MACROD1: variants seen among roughly 807,000 people sequenced by gnomAD.
MACROD1 encodes ADP-ribose glycohydrolase MACROD1.
Under a neutral mutation model 41.4 loss-of-function variants are expected in MACROD1, and 31 were observed. The ratio of observed to expected loss-of-function variants is 0.75; its 90% CI spans 0.56 to 1.01. The LOEUF (loss-of-function observed/expected upper bound fraction) is 1.01. MACROD1 is among the 50% of genes least tolerant of loss of function. The pLI is 0.00. For missense variants in MACROD1, 473 were observed against 460.0 expected (o/e 1.03, Z -0.26); for synonymous variants, 252 against 203.4 (o/e 1.24, Z -2.03).
intron 3 of MACROD1, among the ~76,000 whole-genome samples, chr11:64,143,794 ACACACAC>A (rs989780729): frequency 2.7e-5 from 4 of 145,588 alleles, no homozygotes; most frequent in East Asian, 2.0e-4. Context: ...ACACACACAC[ACACACAC>A]AATTTCCTGG....
At chr11:64,010,757 A>G (rs1276832964) in intron 4 of MACROD1, among the ~76,000 whole-genome samples, 3 of 115,936 alleles carry the variant, frequency 2.6e-5, no homozygotes, top group African/African-American at 3.5e-5. Flanking sequence ...GTTGGCTGGC[A>G]TATTGGTTGG....
chr11:64,019,695 C>T (rs1388246117), intron 3 of MACROD1, among the ~76,000 whole-genome samples: 2 of 152,284 alleles, frequency 1.3e-5, no homozygotes, highest in Non-Finnish European at 2.9e-5. Flanking sequence ...AGTATGGAGT[C>T]CCTGGGCCTT....
intron 3 of MACROD1, among the ~76,000 whole-genome samples, chr11:64,045,271 C>T (rs59863478): frequency 0.02 from 3,092 of 152,294 alleles, 90 homozygotes; most frequent in African/African-American, 0.068. Flanking sequence ...GGCGGCCTGC[C>T]GTCACAGAGC....
chr11:64,031,850 T>C (rs1437846724), intron 3 of MACROD1, among the ~76,000 whole-genome samples: 1 of 152,118 alleles, frequency 6.6e-6, no homozygotes, highest in Non-Finnish European at 1.5e-5. Context: ...TATCCAGAGG[T>C]TACATATCCA....
intron 3 of MACROD1, among the ~76,000 whole-genome samples, chr11:64,053,214 G>A (rs1943726294): frequency 6.6e-6 from 1 of 152,164 alleles, no homozygotes; most frequent in African/African-American, 2.4e-5. Flanking sequence ...AGCAGGGTGG[G>A]GTGAGGCTCC....
At chr11:64,081,885 G>A (rs1338570386) in intron 3 of MACROD1, 2 of 152,146 alleles carry the variant, frequency 1.3e-5, no homozygotes, top group Non-Finnish European at 2.9e-5. Flanking sequence ...TCGGTGGTGG[G>A]GCTGGAGCTT....
chr11:64,140,641 CCAGACACTGTACTGAG>C (rs548308883), intron 3 of MACROD1, among the ~76,000 whole-genome samples: 16 of 152,230 alleles, frequency 1.1e-4, no homozygotes, highest in Non-Finnish European at 1.3e-4. Context: ...TCACTCTGTG[CCAGACACTGTACTGAG>C]CATCCTACAC....
chr11:64,049,762 T>C (rs2134408894), intron 3 of MACROD1, among the ~76,000 whole-genome samples: 1 of 152,312 alleles, frequency 6.6e-6, no homozygotes, highest in South Asian at 2.1e-4. Context: ...TTTCTCCATC[T>C]GTGAAATGGG....
At chr11:64,144,603 T>C (rs1945465026) in intron 3 of MACROD1, among the ~76,000 whole-genome samples, 1 of 151,892 alleles carries the variant, frequency 6.6e-6, no homozygotes, top group African/African-American at 2.4e-5. Context: ...TGCTCTTGGC[T>C]TCCCCGAGGA....
chr11:64,005,517 G>T (rs529014324), intron 4 of MACROD1, among the ~76,000 whole-genome samples: 1 of 152,240 alleles, frequency 6.6e-6, no homozygotes, highest in Non-Finnish European at 1.5e-5. Flanking sequence ...CCTGGGCAAG[G>T]TTGTGGGGGT....
chr11:64,097,226 G>T (rs1176090706), intron 3 of MACROD1, among the ~76,000 whole-genome samples: 1 of 152,224 alleles, frequency 6.6e-6, no homozygotes, highest in African/African-American at 2.4e-5. Flanking sequence ...GTACAGGGAG[G>T]GACTGCTGGG....
chr11:64,057,128 G>C (rs1943800735), intron 3 of MACROD1, among the ~76,000 whole-genome samples: 1 of 152,236 alleles, frequency 6.6e-6, no homozygotes, highest in African/African-American at 2.4e-5. Flanking sequence ...GGCTCCCTAA[G>C]TGCTTGCTGG....
chr11:64,015,334 G>A (rs1343474746), intron 3 of MACROD1, 53 bp from the exon 4 acceptor site: 2 of 1,556,964 alleles, frequency 1.3e-6, no homozygotes, highest in African/African-American at 2.7e-5. Context: ...TGCGGCGGGA[G>A]TATCAGCCTT....
At chr11:64,116,996 C>T (rs748964357) in intron 3 of MACROD1, 2 of 1,612,650 alleles carry the variant, frequency 1.2e-6, no homozygotes, top group Admixed American at 1.7e-5. Flanking sequence ...CCGACGACAC[C>T]TTCAGCCGCC....
chr11:64,011,468 T>A lies in MACROD1; in HGVS notation c.547+3784A>T, dbSNP rs537722732. On this transcript the variant is annotated intron_variant, in intron 4 of 10. Coordinates refer to ENST00000255681, the MANE Select transcript of MACROD1 (RefSeq NM_014067.4). ...TGTGGGTGCCAGACTGAGAGCTGTG[T>A]CCCTGGCTCCCAGGGCACACAGAGG... Among the ~76,000 whole-genome samples, 4 of 151,944 alleles carry A rather than the reference T, an allele frequency of 2.6e-5. No individual in the cohort carries two copies. The East Asian group carries it at 7.7e-4, about 29-fold the overall frequency.
intron 3 of MACROD1, among the ~76,000 whole-genome samples, chr11:64,016,093 A>G (rs550770121): frequency 6.6e-6 from 1 of 152,292 alleles, no homozygotes; most frequent in East Asian, 1.9e-4. Flanking sequence ...TGCCAGGCAG[A>G]GCTGGACTGA....
intron 3 of MACROD1, among the ~76,000 whole-genome samples, chr11:64,068,582 G>A (rs535132967): frequency 6.6e-6 from 1 of 152,348 alleles, no homozygotes; most frequent in East Asian, 1.9e-4. Context: ...CCATTTGATT[G>A]GCAGATAAAC....
chr11:64,025,206 T>A (rs1943209081), intron 3 of MACROD1, among the ~76,000 whole-genome samples: 1 of 152,194 alleles, frequency 6.6e-6, no homozygotes, highest in Non-Finnish European at 1.5e-5. Context: ...CTTGAACTCC[T>A]GACCTCAAGT....
intron 3 of MACROD1, among the ~76,000 whole-genome samples, chr11:64,023,463 G>A (rs1426134429): frequency 6.6e-6 from 1 of 152,146 alleles, no homozygotes; most frequent in East Asian, 1.9e-4. Context: ...GCCTCACAGG[G>A]CTTCACTGTG....
Sources: allele counts gnomAD v4.1 joint callset (sites outside exome capture counted in the v4.1 genomes callset), GRCh38; gene constraint gnomAD v4.1.1; transcripts MANE v1.5; gene names NCBI Gene and HGNC (gene_info 2026-07-23, HGNC 2026-07-21).